The following GNG12 variants were observed in gnomAD, a reference collection of about 807,000 sequenced individuals.
GNG12 encodes G protein subunit gamma 12.
For synonymous variants in GNG12, 28 were observed against 29.7 expected (o/e 0.94, Z 0.19); for missense variants, 69 against 83.8 (o/e 0.82, Z 0.69).
At chr1:67,766,749 T>G (rs1275677393) in intron 2 of GNG12, among the ~76,000 whole-genome samples, 3 of 151,862 alleles carry the variant, frequency 2.0e-5, no homozygotes, top group African/African-American at 4.8e-5. Context: ...GAGGTCTGAG[T>G]GCCTGCCCTC....
chr1:67,775,604 G>T (rs1646700398), intron 2 of GNG12, among the ~76,000 whole-genome samples: 1 of 152,194 alleles, frequency 6.6e-6, no homozygotes, highest in Non-Finnish European at 1.5e-5. Context: ...AGTACCTGCT[G>T]TACCCTCAGC....
chr1:67,738,205 T>G (rs531509638), intron 2 of GNG12, among the ~76,000 whole-genome samples: 1 of 152,240 alleles, frequency 6.6e-6, no homozygotes, highest in Non-Finnish European at 1.5e-5. Flanking sequence ...ATTACAGGTA[T>G]GCACCACTGT....
chr1:67,739,863 A>AC (rs1333549871), intron 2 of GNG12, among the ~76,000 whole-genome samples: 1 of 152,234 alleles, frequency 6.6e-6, no homozygotes, highest in Non-Finnish European at 1.5e-5. Context: ...GGGCCGGAAA[A>AC]TATTTACAAC....
At chr1:67,736,127 T>G (rs933294418) in intron 2 of GNG12, among the ~76,000 whole-genome samples, 1 of 152,036 alleles carries the variant, frequency 6.6e-6, no homozygotes, top group Admixed American at 6.5e-5. Flanking sequence ...ATGAAGTGAC[T>G]CATACATCTG....
intron 1 of GNG12, among the ~76,000 whole-genome samples, chr1:67,793,639 C>A (rs1339396511): frequency 6.6e-6 from 1 of 152,048 alleles, no homozygotes; most frequent in Non-Finnish European, 1.5e-5. Context: ...TCGGGCTGTG[C>A]AAGTGGCTTT....
intron 2 of GNG12, among the ~76,000 whole-genome samples, chr1:67,751,335 G>A (rs1330132564): frequency 6.6e-6 from 1 of 152,220 alleles, no homozygotes; most frequent in Admixed American, 6.5e-5. Context: ...GAGAGGCAGA[G>A]TCTGTGAGCC....
intron 2 of GNG12, among the ~76,000 whole-genome samples, chr1:67,748,160 G>T (rs1280914758): frequency 1.3e-5 from 2 of 152,156 alleles, no homozygotes; most frequent in South Asian, 2.1e-4. Context: ...TCCTTTTTGT[G>T]GGGGCAGGGA....
intron 2 of GNG12, among the ~76,000 whole-genome samples, chr1:67,737,165 G>T (rs890612769): frequency 6.6e-6 from 1 of 152,200 alleles, no homozygotes; most frequent in African/African-American, 2.4e-5. Context: ...ATTATCTACT[G>T]CAAATTAAAA....
intron 1 of GNG12, among the ~76,000 whole-genome samples, chr1:67,802,793 C>G (rs1646874180): frequency 6.6e-6 from 1 of 152,034 alleles, no homozygotes; most frequent in Non-Finnish European, 1.5e-5. Context: ...GCCCACCACT[C>G]CCTGGTTGGT....
At chr1:67,721,086 A>G (rs1175766695) in intron 2 of GNG12, among the ~76,000 whole-genome samples, 3 of 152,186 alleles carry the variant, frequency 2.0e-5, no homozygotes, top group Admixed American at 6.5e-5. Flanking sequence ...TGCATCCCTC[A>G]GAAAGCTTCT....
At chr1:67,778,100 TATTA>T (rs1247308847) in intron 1 of GNG12, among the ~76,000 whole-genome samples, 3 of 148,986 alleles carry the variant, frequency 2.0e-5, no homozygotes, top group South Asian at 2.1e-4. Flanking sequence ...GTATATTATA[TATTA>T]ATTATAACTA....
At chr1:67,706,938 G>A (rs1646252681) in intron 3 of GNG12, among the ~76,000 whole-genome samples, 1 of 152,190 alleles carries the variant, frequency 6.6e-6, no homozygotes, top group Non-Finnish European at 1.5e-5. Context: ...GGGATTACAG[G>A]CGTGAGCCAC....
intron 2 of GNG12, among the ~76,000 whole-genome samples, chr1:67,768,962 T>C (rs1159567012): frequency 1.3e-5 from 2 of 152,176 alleles, no homozygotes; most frequent in African/African-American, 2.4e-5. Flanking sequence ...CTGTCTCTAA[T>C]ATCACCTCAT....
At chr1:67,785,792 C>T (rs563264533) in intron 1 of GNG12, among the ~76,000 whole-genome samples, 9 of 152,166 alleles carry the variant, frequency 5.9e-5, no homozygotes, top group Admixed American at 2.0e-4. Flanking sequence ...ATTAGCCAAA[C>T]GATACTAAAC....
intron 1 of GNG12, among the ~76,000 whole-genome samples, chr1:67,806,669 A>C (rs1646896024): frequency 6.6e-6 from 1 of 152,172 alleles, no homozygotes; most frequent in South Asian, 2.1e-4. Flanking sequence ...TGACAAGGAA[A>C]GTTACTAGGA....
intron 1 of GNG12, among the ~76,000 whole-genome samples, chr1:67,783,493 T>TAATAGTATTAAGA (rs1452781570): frequency 1.3e-5 from 2 of 152,144 alleles, no homozygotes; most frequent in Non-Finnish European, 2.9e-5. Context: ...CTGAAGAGCT[T>TAATAGTATTAAGA]CTGCACAGCA....
intron 1 of GNG12, among the ~76,000 whole-genome samples, chr1:67,781,931 A>G (rs2802462): frequency 0.46 from 69,807 of 151,922 alleles, 17,154 homozygotes; most frequent in African/African-American, 0.65. Flanking sequence ...CTAGAACCAT[A>G]CTGTCCAATA....
intron 2 of GNG12, among the ~76,000 whole-genome samples, chr1:67,716,205 C>G (rs996980138): frequency 3.9e-5 from 6 of 152,108 alleles, no homozygotes; most frequent in Non-Finnish European, 8.8e-5. Flanking sequence ...GGTTCACAAT[C>G]AGCAGAATGA....
chr1:67,772,348 T>A (rs1374176328), intron 2 of GNG12, among the ~76,000 whole-genome samples: 2 of 152,200 alleles, frequency 1.3e-5, no homozygotes, highest in African/African-American at 2.4e-5. Context: ...CCTCTCCACA[T>A]GTTCCTTATT....
Sources: allele counts gnomAD v4.1 joint callset (sites outside exome capture counted in the v4.1 genomes callset), GRCh38; gene constraint gnomAD v4.1.1; transcripts MANE v1.5; gene names NCBI Gene and HGNC (gene_info 2026-07-23, HGNC 2026-07-21).